PLIN2: variants seen among roughly 807,000 people sequenced by gnomAD.
PLIN2 encodes perilipin-2.
PLIN2 carries 33 observed loss-of-function variants against 30.6 expected under a neutral mutation model. That is an observed-to-expected ratio of 1.08 (90% CI 0.82 to 1.44). The LOEUF is 1.44. Among genes scored for constraint, PLIN2 ranks in the 40% most tolerant of loss-of-function variants. The pLI is 0.00. For synonymous variants in PLIN2, 205 were observed against 201.1 expected, an observed-to-expected ratio of 1.02 and a Z score of -0.16; for missense variants, 610 against 531.8, an observed-to-expected ratio of 1.15 and a Z score of -1.45.
chr9:19,123,250 C>T, intron 4 of PLIN2: 2 of 1,044,724 alleles, frequency 1.9e-6, no homozygotes, highest in Non-Finnish European at 2.8e-6. Flanking sequence ...TATATCACGT[C>T]TGCATTTATT....
rs1174315668 is a variant in PLIN2 at position 19,121,045 on chromosome 9, C to G, written c.430G>C (p.Ala144Pro). Residue 144 changes from alanine (A) to proline (P), a missense_variant, in exon 5 of 8, where the codon GCA (alanine) becomes CCA (proline). Ala to Pro is a conservative substitution (Grantham distance 27, BLOSUM62 -1). Coordinates refer to ENST00000276914, the MANE Select transcript of PLIN2 (RefSeq NM_001122.4). ...GTCTTCTCCACACTGCCAGTCACTG[C>G]CCCTTTGGTCTTGTCCATCACCCCT... ...ITGVMDKTKGAVTGSVEKTKS... is the reference protein window; with the variant it reads ...ITGVMDKTKGPVTGSVEKTKS... The G allele has an allele frequency of 1.2e-6, 2 of 1,614,198 alleles. No homozygotes were observed.
chr9:19,110,840 A>C (rs1252113749), downstream of PLIN2, among the ~76,000 whole-genome samples: 1 of 152,106 alleles, frequency 6.6e-6, no homozygotes, highest in African/African-American at 2.4e-5. Flanking sequence ...CCAGCTAAAA[A>C]CCTAGAAAGT....
At chr9:19,118,773 C>T (rs10963968) in intron 6 of PLIN2, among the ~76,000 whole-genome samples, 5,264 of 152,256 alleles carry the variant, frequency 0.035, 110 homozygotes, top group Middle Eastern at 0.065. Context: ...AGTACAGTGG[C>T]GCGATCACAG....
intron 6 of PLIN2, among the ~76,000 whole-genome samples, chr9:19,118,929 G>A (rs971774702): frequency 6.6e-6 from 1 of 152,154 alleles, no homozygotes; most frequent in African/African-American, 2.4e-5. Flanking sequence ...CTGACCTCAG[G>A]TGATCCAACC....
intron 1 of PLIN2, 73 bp from the exon 2 acceptor site, chr9:19,126,521 G>A: frequency 2.1e-6 from 2 of 970,424 alleles, no homozygotes; most frequent in South Asian, 1.4e-5. Flanking sequence ...CCAAGCAAAT[G>A]CTGATTACAA....
downstream of PLIN2, among the ~76,000 whole-genome samples, chr9:19,112,011 G>T (rs1355618997): frequency 6.6e-6 from 1 of 152,104 alleles, no homozygotes; most frequent in Admixed American, 6.6e-5. Flanking sequence ...GATACTACAT[G>T]TCACTGTCCC....
intron 2 of PLIN2, among the ~76,000 whole-genome samples, chr9:19,110,549 C>A (rs1309795423): frequency 6.6e-6 from 1 of 152,064 alleles, no homozygotes; most frequent in African/African-American, 2.4e-5. Flanking sequence ...AAACTCGGTT[C>A]ACTACAACCT....
chr9:19,116,559 C>T lies in PLIN2; in HGVS notation c.1003G>A (p.Val335Ile). The change falls in exon 8 of 8, where the codon GTA becomes ATA. Residue 335 changes from valine (V) to isoleucine (I), a missense_variant. Transcript: ENST00000276914. The part of the protein sequence containing the change: ...CHTLLSNIQG[V>I]PQNIQDQAKH... ...GCTTGATCTTGGATGTTCTGTGGTA[C>T]ACCTTGGATGTTGGACAGGAGGGTG... is the stretch of plus-strand genomic sequence containing the variant. 1 of 1,614,140 alleles carries T rather than the reference C, an allele frequency of 6.2e-7. No individual in the cohort carries two copies.
At chr9:19,120,824 A>G in intron 5 of PLIN2, 56 bp downstream of exon 5, 1 of 1,350,134 alleles carries the variant, frequency 7.4e-7, no homozygotes, top group Admixed American at 1.7e-5. Context: ...ATGTCAATGA[A>G]GCTGTTTAAG....
chr9:19,124,851 T>C (rs1818371387), intron 3 of PLIN2, among the ~76,000 whole-genome samples: 1 of 152,192 alleles, frequency 6.6e-6, no homozygotes, highest in South Asian at 2.1e-4. Context: ...GAAGAATGAA[T>C]AAATATTGTC....
rs1818234881 is a variant in PLIN2 at position 19,116,757 on chromosome 9, T to C, written c.913-108A>G. On this transcript the variant is annotated intron_variant, in intron 7 of 7. Coordinates refer to ENST00000276914, the MANE Select transcript of PLIN2 (RefSeq NM_001122.4). Reference sequence around the variant, plus strand: ...CCACCACATATGTGGATTCTTTGGCTTTTAAAAATCCTCATTACAATGCCG... The same window carrying C: ...CCACCACATATGTGGATTCTTTGGCCTTTAAAAATCCTCATTACAATGCCG... The C allele has an allele frequency of 4.5e-6, 4 of 889,348 alleles. No homozygotes were observed. The Admixed American group carries it at 9.8e-5, about 22-fold the overall frequency. The allele number at this position is 889,348 out of a possible 1,614,324, so 55.1% of individuals were successfully genotyped here. A position where few individuals can be genotyped will look rare whatever the true frequency, so the allele number is the denominator to read the frequency against.
At chr9:19,117,466 T>C (rs1361043723) in intron 7 of PLIN2, among the ~76,000 whole-genome samples, 1 of 151,808 alleles carries the variant, frequency 6.6e-6, no homozygotes, top group Non-Finnish European at 1.5e-5. Context: ...GCCAAGATGC[T>C]ATGCCTTCCC....
chr9:19,123,617 C>T lies in PLIN2; in HGVS notation c.257G>A (p.Gly86Glu). The part of the protein sequence containing the change: ...IAVANTYACK[G>E]LDRIEERLPI... Reference sequence around the variant, plus strand: ...CAGTCTCTCCTCAATCCTGTCTAGCCCCTTACAGGCATAGGTATTGGCAAC... The same window carrying T: ...CAGTCTCTCCTCAATCCTGTCTAGCTCCTTACAGGCATAGGTATTGGCAAC... The change falls in exon 4 of 8, where the codon GGG becomes GAG. Residue 86 changes from glycine to glutamate, a missense_variant. Gly to Glu is a moderately conservative substitution (Grantham distance 98). Coordinates refer to ENST00000276914, the MANE Select transcript of PLIN2 (RefSeq NM_001122.4). 6.2e-7 allele frequency: 1 copy of T among 1,614,018 alleles called. No individual in the cohort carries two copies. Among genetic ancestry groups the T allele is most frequent in the East Asian group, 2.2e-5 (1 of 44,884 alleles).
intron 6 of PLIN2, among the ~76,000 whole-genome samples, chr9:19,118,948 C>A (rs1050516138): frequency 8.5e-5 from 13 of 152,238 alleles, no homozygotes; most frequent in African/African-American, 3.1e-4. Flanking sequence ...CCACCTTGCC[C>A]TCCTAAAGTG....
chr9:19,112,830 G>C (rs949555717), downstream of PLIN2, among the ~76,000 whole-genome samples: 1 of 151,958 alleles, frequency 6.6e-6, no homozygotes, highest in African/African-American at 2.4e-5. Flanking sequence ...AATGTGCACA[G>C]CTCACAGCAA....
At chr9:19,121,246 C>A in intron 4 of PLIN2, 81 bp from the exon 5 acceptor site, 1 of 1,264,230 alleles carries the variant, frequency 7.9e-7, no homozygotes, top group African/African-American at 1.5e-5. Context: ...TAAGGCAGCA[C>A]AGCTGAAGAG....
At chr9:19,126,928 G>C (rs1818410674) in intron 1 of PLIN2, among the ~76,000 whole-genome samples, 1 of 152,030 alleles carries the variant, frequency 6.6e-6, no homozygotes. Context: ...TGTTATCCCA[G>C]CTGCTCTGGA....
chr9:19,120,803 G>GA, intron 5 of PLIN2, 77 bp downstream of exon 5: 1 of 1,167,278 alleles, frequency 8.6e-7, no homozygotes, highest in Non-Finnish European at 1.3e-6. Context: ...TTAGACTCAA[G>GA]ATGAGAGTAT....
intron 4 of PLIN2, chr9:19,123,270 A>G: frequency 8.0e-7 from 1 of 1,249,468 alleles, no homozygotes; most frequent in Non-Finnish European, 1.1e-6. Flanking sequence ...TTAATACCAC[A>G]AGACAATCAG....
Sources: allele counts gnomAD v4.1 joint callset (sites outside exome capture counted in the v4.1 genomes callset), GRCh38; gene constraint gnomAD v4.1.1; transcripts MANE v1.5; gene names NCBI Gene and HGNC (gene_info 2026-07-23, HGNC 2026-07-21).